MRAS: variants seen among roughly 807,000 people sequenced by gnomAD.
MRAS encodes ras-related protein M-Ras.
A neutral mutation model predicts 20.9 loss-of-function variants in MRAS; 4 were observed. The ratio of observed to expected loss-of-function variants is 0.19; its 90% CI spans 0.09 to 0.44. The LOEUF (loss-of-function observed/expected upper bound fraction) is 0.44. Ranked by LOEUF, MRAS falls within the 20% of genes least tolerant of loss-of-function variation. The pLI is 0.99. For missense variants in MRAS, 154 were observed against 277.5 expected (o/e 0.56, Z 3.16); for synonymous variants, 98 against 102.9 (o/e 0.95, Z 0.29).
At chr3:138,362,209 G>A (rs40005) in intron 1 of MRAS, among the ~76,000 whole-genome samples, 105,974 of 152,036 alleles carry the variant, frequency 0.7, 38,401 homozygotes, top group East Asian at 0.97. Flanking sequence ...CCAACTCCTC[G>A]GTTCTGAGAG....
At position 138,404,986 on chromosome 3, in the gene MRAS, G is replaced by T. The variant is rs2055429901; in HGVS notation, c.*2717G>T. The T allele has an allele frequency of 6.6e-6, 1 of 152,228 alleles. No homozygotes were observed. Among genetic ancestry groups the T allele is most frequent in the Non-Finnish European group, 1.5e-5 (1 of 68,116 alleles). 9.4% of individuals were successfully genotyped at this position (152,228 alleles called of 1,614,324 possible). On this transcript the variant is annotated 3_prime_UTR_variant, in exon 6 of 6. Coordinates refer to ENST00000423968, the MANE Select transcript of MRAS (RefSeq NM_001085049.3). ...ATGCCTTTGCCATTGTGTGCTCTCA[G>T]ATTTCTTCCACTGTTTGACACCCTC...
intron 1 of MRAS, among the ~76,000 whole-genome samples, chr3:138,370,812 G>T (rs1412393570): frequency 6.6e-6 from 1 of 152,190 alleles, no homozygotes; most frequent in Non-Finnish European, 1.5e-5. Context: ...AAATGAAAAT[G>T]CCCTGAAATC....
At chr3:138,375,525 T>G (rs2054765923) in intron 2 of MRAS, among the ~76,000 whole-genome samples, 1 of 152,310 alleles carries the variant, frequency 6.6e-6, no homozygotes, top group Non-Finnish European at 1.5e-5. Context: ...TTGTTTTTGT[T>G]TTGAGACAGG....
At chr3:138,352,629 C>T (rs780999880) in intron 1 of MRAS, among the ~76,000 whole-genome samples, 27 of 152,046 alleles carry the variant, frequency 1.8e-4, no homozygotes, top group Admixed American at 2.6e-4. Flanking sequence ...GGGTCATCAC[C>T]GGTTGCTGAA....
intron 2 of MRAS, among the ~76,000 whole-genome samples, chr3:138,390,325 A>G (rs986566116): frequency 2.0e-5 from 3 of 152,086 alleles, no homozygotes; most frequent in Admixed American, 2.0e-4. Context: ...AAGTGGGAGG[A>G]TTGGAGCATC....
In MRAS at chr3:138,390,145, C is replaced by T. The variant is rs140122326; in HGVS notation, c.194-7179C>T. Among the ~76,000 whole-genome samples the T allele has an allele frequency of 2.0e-5, 3 of 152,004 alleles. No homozygotes were observed. The East Asian group carries it at 5.8e-4, about 30-fold the overall frequency. ...GAAGATCTTGACTATTACATCAGAG[C>T]CCCAGGCTGGTGCTCCTCCATGCTG... On this transcript the variant is annotated intron_variant, in intron 2 of 5. Transcript: ENST00000423968.
At chr3:138,380,918 T>C (rs1679149) in intron 2 of MRAS, among the ~76,000 whole-genome samples, 129,045 of 151,672 alleles carry the variant, frequency 0.85, 55,190 homozygotes, top group East Asian at 0.97. Flanking sequence ...TATAGGCACG[T>C]GCCACCACAC....
upstream of MRAS, chr3:138,347,655 C>G (rs2054148036): frequency 6.6e-6 from 1 of 152,098 alleles, no homozygotes; most frequent in Non-Finnish European, 1.5e-5. Context: ...TGCAGTAGCG[C>G]AATCTCGGCT....
At chr3:138,361,013 A>G (rs1020271988) in intron 1 of MRAS, among the ~76,000 whole-genome samples, 7 of 152,340 alleles carry the variant, frequency 4.6e-5, no homozygotes, top group South Asian at 2.1e-4. Context: ...GGGCTAAACA[A>G]TGCCTCTTGG....
chr3:138,360,373 T>G (rs1487511600), intron 1 of MRAS, among the ~76,000 whole-genome samples: 1 of 152,138 alleles, frequency 6.6e-6, no homozygotes, highest in Non-Finnish European at 1.5e-5. Flanking sequence ...CGGAACACCG[T>G]GATTCCATGA....
intron 5 of MRAS, 80 bp from the exon 6 acceptor site, chr3:138,402,090 C>A: frequency 7.3e-7 from 1 of 1,374,914 alleles, no homozygotes; most frequent in Admixed American, 1.9e-5. Flanking sequence ...TGACTCAGAT[C>A]TGGGGCTAGG....
intron 2 of MRAS, among the ~76,000 whole-genome samples, chr3:138,395,853 A>G (rs982530282): frequency 1.3e-5 from 2 of 152,230 alleles, no homozygotes; most frequent in Admixed American, 6.5e-5. Context: ...ATGAATGACA[A>G]GATTGGACAG....
chr3:138,362,452 A>C (rs1401840698), intron 1 of MRAS, among the ~76,000 whole-genome samples: 2 of 151,954 alleles, frequency 1.3e-5, no homozygotes, highest in African/African-American at 2.4e-5. Flanking sequence ...CCGTGACCCT[A>C]TTCCCATCCC....
chr3:138,394,237 G>A (rs1005805033), intron 2 of MRAS, among the ~76,000 whole-genome samples: 1 of 152,170 alleles, frequency 6.6e-6, no homozygotes, highest in Non-Finnish European at 1.5e-5. Flanking sequence ...AGATGAAATA[G>A]TTCTAGGATA....
intron 1 of MRAS, chr3:138,349,737 CG>C (rs2054189191): frequency 6.6e-6 from 1 of 152,270 alleles, no homozygotes; most frequent in African/African-American, 2.4e-5. Context: ...GGCTCGGAAT[CG>C]TGGCCTCCAG....
intron 2 of MRAS, among the ~76,000 whole-genome samples, chr3:138,377,246 TC>T (rs1186708053): frequency 4.6e-5 from 7 of 152,216 alleles, no homozygotes; most frequent in Non-Finnish European, 1.5e-5. Context: ...ACCCAGGCCT[TC>T]CTCGGGAATA....
chr3:138,385,632 C>T (rs911222751), intron 2 of MRAS, among the ~76,000 whole-genome samples: 2 of 152,036 alleles, frequency 1.3e-5, no homozygotes, highest in Admixed American at 6.6e-5. Flanking sequence ...TCTCCTGCCT[C>T]AGCCTCCTGA....
At chr3:138,362,705 G>A (rs987083837) in intron 1 of MRAS, among the ~76,000 whole-genome samples, 4 of 152,092 alleles carry the variant, frequency 2.6e-5, no homozygotes, top group African/African-American at 4.8e-5. Context: ...CACACCCAAC[G>A]CTCTCCCCTG....
intron 2 of MRAS, among the ~76,000 whole-genome samples, chr3:138,391,475 A>G (rs2055131210): frequency 6.6e-6 from 1 of 152,230 alleles, no homozygotes; most frequent in Non-Finnish European, 1.5e-5. Flanking sequence ...TGAAATCTGA[A>G]AGGATTCAAA....
Sources: allele counts gnomAD v4.1 joint callset (sites outside exome capture counted in the v4.1 genomes callset), GRCh38; gene constraint gnomAD v4.1.1; transcripts MANE v1.5; gene names NCBI Gene and HGNC (gene_info 2026-07-23, HGNC 2026-07-21).